The following STK24 variants were observed in gnomAD, a reference collection of about 807,000 sequenced individuals.
STK24 encodes the protein serine/threonine kinase 24, also known as serine/threonine-protein kinase 24.
A neutral mutation model predicts 55.6 loss-of-function variants in STK24; 21 were observed. That is an observed-to-expected ratio of 0.38 (90% CI 0.27 to 0.54). STK24 has a LOEUF of 0.54. Among genes scored for constraint, STK24 ranks in the 20% least tolerant of loss-of-function variants. STK24 has a pLI of 0.79. For synonymous variants in STK24, 200 were observed against 215.2 expected (o/e 0.93, Z 0.62); for missense variants, 383 against 538.4 (o/e 0.71, Z 2.86).
chr13:98,516,352 G>A (rs143488349), intron 2 of STK24, among the ~76,000 whole-genome samples: 11 of 152,254 alleles, frequency 7.2e-5, no homozygotes, highest in East Asian at 1.9e-4. Context: ...TACAGAGAGC[G>A]CACTGGATAA....
In STK24 at chr13:98,461,802, A is replaced by C; in HGVS notation, c.1025T>G (p.Leu342Arg). The change falls in exon 8 of 11, where the codon CTT becomes CGT. Residue 342 changes from leucine (L) to arginine (R), a missense_variant. By Grantham distance (102) the Leu-to-Arg change is moderately radical (BLOSUM62 -2). Transcript: ENST00000539966. ...ATTTCTGTCCAAGTCCGATGGCTGAAGAGCTCCATTCTCGAGATTCTTGGG... is the reference window on the plus strand; with the variant it reads ...ATTTCTGTCCAAGTCCGATGGCTGACGAGCTCCATTCTCGAGATTCTTGGG... ...KDPKNLENGA[L>R]QPSDLDRNKM... is the part of the protein sequence containing the mutation. 6.2e-7 allele frequency: 1 copy of C among 1,614,080 alleles called. No homozygotes were observed. Among genetic ancestry groups the C allele is most frequent in the South Asian group, 1.1e-5 (1 of 91,078 alleles).
intron 1 of STK24, among the ~76,000 whole-genome samples, chr13:98,529,142 C>T (rs1311513904): frequency 1.3e-5 from 2 of 152,148 alleles, no homozygotes; most frequent in African/African-American, 4.8e-5. Flanking sequence ...ACCATTCCAG[C>T]TCACCCTTCC....
At chr13:98,549,915 C>T (rs938014775) in intron 1 of STK24, among the ~76,000 whole-genome samples, 14 of 152,200 alleles carry the variant, frequency 9.2e-5, no homozygotes, top group Non-Finnish European at 1.9e-4. Context: ...AGCATTCAGA[C>T]CACAGTAGCT....
At chr13:98,503,667 C>G (rs1467131155) in intron 2 of STK24, among the ~76,000 whole-genome samples, 1 of 152,206 alleles carries the variant, frequency 6.6e-6, no homozygotes, top group African/African-American at 2.4e-5. Context: ...TAGGCAGAGC[C>G]TTACAAGGGC....
intron 2 of STK24, among the ~76,000 whole-genome samples, chr13:98,487,629 C>G (rs547903517): frequency 3.3e-5 from 5 of 152,228 alleles, no homozygotes; most frequent in Non-Finnish European, 7.3e-5. Context: ...TGGCATTCTA[C>G]ACACACTGTT....
intron 1 of STK24, among the ~76,000 whole-genome samples, chr13:98,575,720 T>C (rs1897872755): frequency 6.6e-6 from 1 of 152,124 alleles, no homozygotes; most frequent in Non-Finnish European, 1.5e-5. Flanking sequence ...TTCAAACACT[T>C]AACGTTCACT....
At chr13:98,535,639 A>G (rs191135836) in intron 1 of STK24, among the ~76,000 whole-genome samples, 1 of 152,230 alleles carries the variant, frequency 6.6e-6, no homozygotes, top group Admixed American at 6.5e-5. Context: ...CGGTTTCTAG[A>G]CCTCACAACC....
At chr13:98,559,002 T>TAAAAAAAAAAA (rs60756124) in intron 1 of STK24, among the ~76,000 whole-genome samples, 13 of 43,032 alleles carry the variant, frequency 3.0e-4, no homozygotes, top group African/African-American at 1.3e-3. Context: ...CTGTCTCTAC[T>TAAAAAAAAAAA]AAAAAAAAAA....
chr13:98,475,467 G>C (rs759195999), intron 3 of STK24, 109 bp from the exon 4 acceptor site: 6 of 717,736 alleles, frequency 8.4e-6, no homozygotes, highest in Non-Finnish European at 1.3e-5. Context: ...ATTAAAACCT[G>C]AAATCTTCTT....
chr13:98,543,910 G>A (rs1445565207), intron 1 of STK24, among the ~76,000 whole-genome samples: 1 of 152,138 alleles, frequency 6.6e-6, no homozygotes, highest in Non-Finnish European at 1.5e-5. Flanking sequence ...TTACTTCTGG[G>A]TCTTTTTTGA....
chr13:98,483,759 T>A (rs1894695088), intron 2 of STK24, among the ~76,000 whole-genome samples: 1 of 152,228 alleles, frequency 6.6e-6, no homozygotes, highest in African/African-American at 2.4e-5. Flanking sequence ...TCAGTAAATG[T>A]TAACTGTGGA....
chr13:98,531,344 A>G (rs1333897793), intron 1 of STK24, among the ~76,000 whole-genome samples: 1 of 152,232 alleles, frequency 6.6e-6, no homozygotes, highest in Non-Finnish European at 1.5e-5. Flanking sequence ...CCAAATGAAA[A>G]AGACCAAATA....
chr13:98,554,143 T>C (rs1264330882), intron 1 of STK24, among the ~76,000 whole-genome samples: 1 of 152,018 alleles, frequency 6.6e-6, no homozygotes, highest in Non-Finnish European at 1.5e-5. Context: ...GTGCAGTTTT[T>C]TTTCTTGTCA....
intron 9 of STK24, among the ~76,000 whole-genome samples, chr13:98,458,439 T>C (rs754349900): frequency 1.3e-5 from 2 of 152,190 alleles, no homozygotes; most frequent in Non-Finnish European, 2.9e-5. Flanking sequence ...GAGCAACGGC[T>C]TCTCTCTTCG....
intron 2 of STK24, among the ~76,000 whole-genome samples, chr13:98,483,000 C>A (rs568084542): frequency 6.6e-6 from 1 of 152,358 alleles, no homozygotes; most frequent in South Asian, 2.1e-4. Context: ...CAGCTCTGCG[C>A]CTGCCTTCCC....
At chr13:98,459,545 C>T (rs1012785370) in intron 9 of STK24, among the ~76,000 whole-genome samples, 6 of 152,196 alleles carry the variant, frequency 3.9e-5, no homozygotes, top group Admixed American at 2.0e-4. Context: ...GGCCCATGGC[C>T]GGGGGTCCCC....
chr13:98,554,974 T>C (rs1046044901), intron 1 of STK24, among the ~76,000 whole-genome samples: 46 of 128,948 alleles, frequency 3.6e-4, no homozygotes, highest in African/African-American at 1.3e-3. Flanking sequence ...GAGATAGTGC[T>C]ACTGCACTCC....
At chr13:98,555,640 T>A (rs950541777) in intron 1 of STK24, among the ~76,000 whole-genome samples, 3 of 151,738 alleles carry the variant, frequency 2.0e-5, no homozygotes, top group African/African-American at 7.3e-5. Flanking sequence ...CTGATTGGTT[T>A]TAACCAATTA....
intron 2 of STK24, among the ~76,000 whole-genome samples, chr13:98,485,600 C>G (rs1455115044): frequency 6.6e-6 from 1 of 152,214 alleles, no homozygotes; most frequent in African/African-American, 2.4e-5. Flanking sequence ...AGTCCCCAGG[C>G]AAGAAGGAGG....
Sources: allele counts gnomAD v4.1 joint callset (sites outside exome capture counted in the v4.1 genomes callset), GRCh38; gene constraint gnomAD v4.1.1; transcripts MANE v1.5; gene names NCBI Gene and HGNC (gene_info 2026-07-23, HGNC 2026-07-21).